The following NACA variants were observed in gnomAD, a reference collection of about 807,000 sequenced individuals.
The protein encoded by NACA is nascent polypeptide-associated complex subunit alpha.
NACA carries 42 observed loss-of-function variants against 86.4 expected under a neutral mutation model. The ratio of observed to expected loss-of-function variants is 0.49; its 90% CI spans 0.38 to 0.63. The LOEUF is 0.63. NACA is among the 20% of genes least tolerant of loss of function. The probability of loss-of-function intolerance (pLI) is 0.00; values close to 1 mark genes in which losing one functional copy is unlikely to be tolerated. For missense variants in NACA, 2,157 were observed against 2,483.6 expected (o/e 0.87, Z 2.80); for synonymous variants, 898 against 973.7 (o/e 0.92, Z 1.45).
Position 56,719,134 on chromosome 12 carries a change from A to T in NACA, c.2396T>A (p.Val799Asp). The T allele has an allele frequency of 6.9e-7, 1 of 1,458,218 alleles. No homozygotes were observed. The highest frequency in any genetic ancestry group is 9.3e-7 in the Non-Finnish European group (1 of 1,078,976). 90.3% of individuals were successfully genotyped at this position (1,458,218 alleles called of 1,614,324 possible). Residue 799 changes from valine to aspartate, a missense_variant, in exon 3 of 9, where the codon GTT becomes GAT. Around this residue, in one of 8 missense-constraint regions of NACA, gnomAD observed 174 missense variants for 217.0 expected, o/e 0.80. Transcript: ENST00000454682. Reference protein sequence around the residue: ...YLADSPSPLGVSVSPQTKRPP... With the variant: ...YLADSPSPLGDSVSPQTKRPP... ...TCTTTTAGTCTGAGGAGACACACTA[A>T]CCCCTAAAGGAGATGGGGAATCAGC...
Position 56,716,388 on chromosome 12 carries a change from A to T in NACA, c.5142T>A (p.Pro1714=). Residue 1714 remains proline (P), a synonymous_variant, in exon 3 of 9, where the codon CCT becomes CCA. Transcript: ENST00000454682. ...TAGCTGAGGGATCTGGGCATATAGG[A>T]GGTGAAGTAGCAGAACTCTTTTTGG... ...PQTKKSSATS[P]PICPDPSAKN... 1 of 1,608,696 alleles carries T rather than the reference A, an allele frequency of 6.2e-7. No homozygotes were observed. Among genetic ancestry groups the T allele is most frequent in the Non-Finnish European group, 8.5e-7 (1 of 1,177,210 alleles).
chr12:56,720,174 T>C lies in NACA; in HGVS notation c.1356A>G (p.Ala452=), dbSNP rs755205406. The change falls in exon 3 of 9, where the codon GCA becomes GCG. Residue 452 remains alanine, a synonymous_variant. Coordinates refer to ENST00000454682, the MANE Select transcript of NACA (RefSeq NM_001365896.1). ...VVTNPCTIAA[A]PTTTFEVATC... is the part of the protein sequence containing the mutation. ...TAGCTACCTCAAAGGTAGTAGTAGG[T>C]GCTGCAGCAATTGTACAGGGGTTAG... The C allele has an allele frequency of 6.2e-7, 1 of 1,613,914 alleles. No individual in the cohort carries two copies. The highest frequency in any genetic ancestry group is 8.5e-7 in the Non-Finnish European group (1 of 1,179,882).
Position 56,719,639 on chromosome 12 carries a change from A to G in NACA, c.1891T>C (p.Ser631Pro). The change falls in exon 3 of 9, where the codon TCT becomes CCT. Residue 631 changes from serine to proline, a missense_variant. Ser to Pro is a moderately conservative substitution (Grantham distance 74). Transcript: ENST00000454682. Reference sequence around the variant, plus strand: ...GAACTTTTGAGAAGCGGACCAGCAGAGTCTGGGCCTGCATAAGAATCTGTC... The same window carrying G: ...GAACTTTTGAGAAGCGGACCAGCAGGGTCTGGGCCTGCATAAGAATCTGTC... ...IKTDSYAGPD[S>P]AGPLLKSSLI... is the part of the protein sequence containing the mutation. The G allele has an allele frequency of 6.2e-7, 1 of 1,613,820 alleles. No homozygotes were observed. The highest frequency in any genetic ancestry group is 8.5e-7 in the Non-Finnish European group (1 of 1,179,772).
In NACA at chr12:56,720,872, T is replaced by C. The variant is rs771370782; in HGVS notation, c.658A>G (p.Met220Val). 3 of 1,613,896 alleles carry C rather than the reference T, an allele frequency of 1.9e-6. No individual in the cohort carries two copies. The highest frequency in any genetic ancestry group is 2.5e-6 in the Non-Finnish European group (3 of 1,179,862). Residue 220 changes from methionine (M) to valine (V), a missense_variant, in exon 3 of 9, where the codon ATG becomes GTG. Transcript: ENST00000454682. ...STVPYHCVTP[M>V]ASIQSGVASL... is the part of the protein sequence containing the mutation. ...GCCACTCCAGATTGAATAGAGGCCA[T>C]GGGAGTCACACAGTGGTAAGGAACA...
At chr12:56,722,215 A>C (rs1184871026) in intron 2 of NACA, among the ~76,000 whole-genome samples, 1 of 152,222 alleles carries the variant, frequency 6.6e-6, no homozygotes, top group East Asian at 1.9e-4. Flanking sequence ...AACCAACCAC[A>C]AAAGGACTGT....
chr12:56,716,903 C>A lies in NACA; in HGVS notation c.4627G>T (p.Ala1543Ser). The change falls in exon 3 of 9, where the codon GCC (alanine) becomes TCC (serine). Residue 1543 changes from alanine (A) to serine (S), a missense_variant. By Grantham distance (99) the Ala-to-Ser change is moderately conservative. Around this residue, in one of 8 missense-constraint regions of NACA, gnomAD observed 797 missense variants for 777.6 expected, o/e 1.02. Coordinates refer to ENST00000454682, the MANE Select transcript of NACA (RefSeq NM_001365896.1). ...GGGGGAATGAGGGCCTCTTTGGGGG[C>A]TAGAGTTGCTGGGGTCTTTTTAGAG... Reference protein sequence around the residue: ...LLSKKTPATLAPKEALIPPAM... With the variant: ...LLSKKTPATLSPKEALIPPAM... The A allele has an allele frequency of 7.7e-7, 1 of 1,296,612 alleles. No individual in the cohort carries two copies. Among genetic ancestry groups the A allele is most frequent in the Non-Finnish European group, 1.0e-6 (1 of 1,002,474 alleles). 80.3% of individuals were successfully genotyped at this position (1,296,612 alleles called of 1,614,324 possible). A position where few individuals can be genotyped will look rare whatever the true frequency, so the allele number is the denominator to read the frequency against.
rs1247313371 is a variant in NACA, at chr12:56,717,192, G to A, written c.4338C>T (p.Ala1446=). Residue 1446 remains alanine (A), a synonymous_variant, in exon 3 of 9, where the codon GCC becomes GCT. Coordinates refer to ENST00000454682, the MANE Select transcript of NACA (RefSeq NM_001365896.1). ...PAVTPVSLKK[A]PATSAPKGGP... Reference sequence around the variant, plus strand: ...CTCCTTTGGGGGCTGAAGTTGCTGGGGCCTTTTTGAGGGAGACAGGAGTCA... The same window carrying A: ...CTCCTTTGGGGGCTGAAGTTGCTGGAGCCTTTTTGAGGGAGACAGGAGTCA... 7.8e-7 allele frequency: 1 copy of A among 1,277,656 alleles called. No homozygotes were observed. The highest frequency in any genetic ancestry group is 1.6e-5 in the African/African-American group (1 of 63,772). 79.1% of individuals were successfully genotyped at this position (1,277,656 alleles called of 1,614,324 possible).
At chr12:56,724,083 G>A (rs1215930031) in intron 2 of NACA, among the ~76,000 whole-genome samples, 1 of 152,164 alleles carries the variant, frequency 6.6e-6, no homozygotes, top group African/African-American at 2.4e-5. Context: ...CTTGCTGGCT[G>A]GAGTTTCACA....
Position 56,720,510 on chromosome 12 carries a change from A to G in NACA, c.1020T>C (p.Ser340=). The G allele has an allele frequency of 6.2e-7, 1 of 1,613,912 alleles. No individual in the cohort carries two copies. The highest frequency in any genetic ancestry group is 8.5e-7 in the Non-Finnish European group (1 of 1,179,808). The stretch of plus-strand genomic sequence containing the variant: ...AGGCCCCTGTGGAAGAATGATCTAC[A>G]GAAATGGTCTTCACTGTAGGGTCTG... The part of the protein sequence containing the change: ...ALSDPTVKTI[S]VDHSSTGASY... The change falls in exon 3 of 9, where the codon TCT becomes TCC. Residue 340 remains serine (S), a synonymous_variant. Coordinates refer to ENST00000454682, the MANE Select transcript of NACA (RefSeq NM_001365896.1).
Position 56,713,562 on chromosome 12 carries a change from G to T in NACA, c.5945C>A (p.Thr1982Asn), listed in dbSNP as rs373370096. 6.2e-7 allele frequency: 1 copy of T among 1,613,940 alleles called. No homozygotes were observed. The highest frequency in any genetic ancestry group is 1.7e-5 in the Admixed American group (1 of 60,012). The change falls in exon 6 of 9, where the codon ACT becomes AAT. Residue 1982 changes from threonine (T) to asparagine (N), a missense_variant. This residue lies in a region of NACA where 81 missense variants were observed against 200.6 expected (regional missense o/e 0.40). Coordinates refer to ENST00000454682, the MANE Select transcript of NACA (RefSeq NM_001365896.1). ...CTTGGCTTCCCCAAAAACTATGTAA[G>T]TATCTGAAGCAGGGCTCTTGTAGAC... The part of the protein sequence containing the change: ...PDVYKSPASD[T>N]YIVFGEAKIE...
chr12:56,719,591 C>T lies in NACA; in HGVS notation c.1939G>A (p.Ala647Thr). The change falls in exon 3 of 9, where the codon GCA (alanine) becomes ACA (threonine). Residue 647 changes from alanine to threonine, a missense_variant. Physicochemically the swap from Ala to Thr is moderately conservative, Grantham distance 58. This residue lies in a region of NACA where 947 missense variants were observed against 917.9 expected (regional missense o/e 1.03). Coordinates refer to ENST00000454682, the MANE Select transcript of NACA (RefSeq NM_001365896.1). ...GGGTCAGCACTTTCCAAAGGAAATG[C>T]AGCCACTGTTGGGGTAATGAGAGAA... Reference protein sequence around the residue: ...KSSLITPTVAAFPLESADPAG... With the variant: ...KSSLITPTVATFPLESADPAG... 2 of 1,613,926 alleles carry T rather than the reference C, an allele frequency of 1.2e-6. No homozygotes were observed. Among genetic ancestry groups the T allele is most frequent in the Middle Eastern group, 1.7e-4 (1 of 6,060 alleles).
rs766518411 is a variant in NACA, at chr12:56,718,138, GC to G, written c.3391del (p.Ala1131GlnfsTer10). On this transcript the variant is annotated frameshift_variant, in exon 3 of 9. Coordinates refer to ENST00000454682, the MANE Select transcript of NACA (RefSeq NM_001365896.1). LOFTEE classifies it high-confidence loss of function. Reference sequence around the variant, plus strand: ...ACCTCCTTTTGGGGAGGGAGGAGTTGCAGCTGGGGTTGTGGGTGCCCCTTTG... The same window carrying G: ...ACCTCCTTTTGGGGAGGGAGGAGTTGAGCTGGGGTTGTGGGTGCCCCTTTG... ...PHKGAPTTPAATPPSPKGGLA... is the reference protein window; with the variant it reads ...PHKGAPTTPAXTPPSPKGGLA... The G allele has an allele frequency of 4.4e-5, 25 of 570,806 alleles. No individual in the cohort carries two copies. Among genetic ancestry groups the G allele is most frequent in the Non-Finnish European group, 5.2e-5 (24 of 458,916 alleles). The allele number at this position is 570,806 out of a possible 1,614,324, so 35.4% of individuals were successfully genotyped here.
rs1249205069 is a variant in NACA at position 56,720,348 on chromosome 12, G to T, written c.1182C>A (p.Ser394Arg). The T allele has an allele frequency of 6.2e-7, 1 of 1,613,892 alleles. No individual in the cohort carries two copies. The highest frequency in any genetic ancestry group is 1.1e-5 in the South Asian group (1 of 91,068). ...GPSTISSITCSPSGSLNVATS... is the reference protein window; with the variant it reads ...GPSTISSITCRPSGSLNVATS... ...TAGCTACATTTAAGGAGCCAGAAGG[G>T]CTGCAGGTTATGCTAGAGATGGTAG... Residue 394 changes from serine to arginine, a missense_variant, in exon 3 of 9, where the codon AGC (serine) becomes AGA (arginine). Transcript: ENST00000454682.
rs774015233 is a variant in NACA at position 56,721,111 on chromosome 12, A to G, written c.419T>C (p.Val140Ala). The G allele has an allele frequency of 1.2e-6, 2 of 1,613,878 alleles. No homozygotes were observed. The highest frequency in any genetic ancestry group is 1.7e-6 in the Non-Finnish European group (2 of 1,179,848). ...TPSSSAPLAL[V>A]ALAPHSVQKS... ...CTGAACTGAGTGGGGAGCCAGGGCAACCAGAGCTAAGGGAGCTGAAGAGGA... is the reference window on the plus strand; with the variant it reads ...CTGAACTGAGTGGGGAGCCAGGGCAGCCAGAGCTAAGGGAGCTGAAGAGGA... Residue 140 changes from valine (V) to alanine (A), a missense_variant, in exon 3 of 9, where the codon GTT (valine) becomes GCT (alanine). Val to Ala is a moderately conservative substitution (Grantham distance 64). Coordinates refer to ENST00000454682, the MANE Select transcript of NACA (RefSeq NM_001365896.1).
chr12:56,721,358 G>C lies in NACA; in HGVS notation c.172C>G (p.Leu58Val). 2 of 1,606,464 alleles carry C rather than the reference G, an allele frequency of 1.2e-6. No individual in the cohort carries two copies. The highest frequency in any genetic ancestry group is 1.7e-6 in the Non-Finnish European group (2 of 1,176,736). ...GGGGAAGCCTGGTTAGCAGCTGAGAGAGGGCACTGTTGTGGGGCAGGAGAG... is the reference window on the plus strand; with the variant it reads ...GGGGAAGCCTGGTTAGCAGCTGAGACAGGGCACTGTTGTGGGGCAGGAGAG... ...PCSPAPQQCP[L>V]SAANQASPFP... The change falls in exon 3 of 9, where the codon CTC becomes GTC. Residue 58 changes from leucine (L) to valine (V), a missense_variant. Physicochemically the swap from Leu to Val is conservative, Grantham distance 32 (BLOSUM62 1). Transcript: ENST00000454682.
intron 3 of NACA, among the ~76,000 whole-genome samples, 167 bp downstream of exon 3, chr12:56,715,702 CAT>C (rs2137804663): frequency 6.6e-6 from 1 of 152,174 alleles, no homozygotes; most frequent in Admixed American, 6.5e-5. Flanking sequence ...GATTTGGTTT[CAT>C]ATTCCTAGAA....
rs1953486086 is a variant in NACA, at chr12:56,718,906, G to C, written c.2624C>G (p.Pro875Arg). The change falls in exon 3 of 9, where the codon CCC becomes CGC. Residue 875 changes from proline to arginine, a missense_variant. By Grantham distance (103) the Pro-to-Arg change is moderately radical. This residue lies in a region of NACA where 174 missense variants were observed against 217.0 expected (regional missense o/e 0.80). Coordinates refer to ENST00000454682, the MANE Select transcript of NACA (RefSeq NM_001365896.1). Reference protein sequence around the residue: ...PTPSAVTPLSPKGVTLPPKET... With the variant: ...PTPSAVTPLSRKGVTLPPKET... ...TTTGGGGGGTAGTGTTACTCCTTTG[G>C]GAGACAGAGGAGTCACAGCTGAGGG... 1 of 1,434,516 alleles carries C rather than the reference G, an allele frequency of 7.0e-7. No individual in the cohort carries two copies. Among genetic ancestry groups the C allele is most frequent in the East Asian group, 3.0e-5 (1 of 33,250 alleles). 88.9% of individuals were successfully genotyped at this position (1,434,516 alleles called of 1,614,324 possible).
chr12:56,713,765 A>T, intron 5 of NACA, 82 bp from the exon 6 acceptor site: 1 of 1,367,088 alleles, frequency 7.3e-7, no homozygotes, highest in Non-Finnish European at 1.0e-6. Flanking sequence ...CAACATCCAA[A>T]GCAAAGCCTT....
rs747870209 is a variant in NACA, at chr12:56,721,444, G to A, written c.86C>T (p.Ser29Phe). 1.0e-5 allele frequency: 15 copies of A among 1,505,996 alleles called. No homozygotes were observed. Among genetic ancestry groups the A allele is most frequent in the Admixed American group, 2.2e-5 (1 of 44,488 alleles). 93.3% of individuals were successfully genotyped at this position (1,505,996 alleles called of 1,614,324 possible). A position where few individuals can be genotyped will look rare whatever the true frequency, so the allele number is the denominator to read the frequency against. The change falls in exon 3 of 9, where the codon TCT (serine) becomes TTT (phenylalanine). Residue 29 changes from serine (S) to phenylalanine (F), a missense_variant. By Grantham distance (155) the Ser-to-Phe change is radical (BLOSUM62 -2). This residue lies in a region of NACA where 947 missense variants were observed against 917.9 expected (regional missense o/e 1.03). Coordinates refer to ENST00000454682, the MANE Select transcript of NACA (RefSeq NM_001365896.1). ...PQAETAVLPM[S>F]SALSVTAALG... ...GGCAGCAGTGACACTCAAGGCTGAAGACATAGGTAGCACAGCTGGAGAAAG... is the reference window on the plus strand; with the variant it reads ...GGCAGCAGTGACACTCAAGGCTGAAAACATAGGTAGCACAGCTGGAGAAAG...
Sources: gnomAD v4.1 joint callset for allele counts (sites outside exome capture counted in the v4.1 genomes callset) on GRCh38, gnomAD v4.1.1 for gene constraint, gnomAD v4.1.1 regional missense constraint, MANE v1.5 for transcripts, NCBI Gene and HGNC (gene_info 2026-07-23, HGNC 2026-07-21) for gene names.